OR1L8: variants seen among roughly 807,000 people sequenced by gnomAD.
The protein encoded by OR1L8 is olfactory receptor 1L8.
For missense variants in OR1L8, 330 were observed against 377.4 expected (o/e 0.87, Z 1.04); for synonymous variants, 148 against 147.0 (o/e 1.01, Z -0.05).
At chr9:122,556,468 T>C in the OR1L8 span, among the ~76,000 whole-genome samples, 1 of 152,098 alleles carries the variant, frequency 6.6e-6, no homozygotes, top group East Asian at 1.9e-4. Flanking sequence ...TGCCACACTA[T>C]CTTAATTACT....
chr9:122,565,864 C>T (rs1167939163), downstream of OR1L8, among the ~76,000 whole-genome samples: 1 of 152,082 alleles, frequency 6.6e-6, no homozygotes, highest in African/African-American at 2.4e-5. Flanking sequence ...CATGTTGACA[C>T]CCATGAGAAT....
chr9:122,553,569 G>C, the OR1L8 span: 10 of 1,613,954 alleles, frequency 6.2e-6, no homozygotes, highest in Middle Eastern at 1.6e-4. Context: ...CCTGCTGGCT[G>C]TGATGGCATA....
At position 122,567,728 on chromosome 9, in the gene OR1L8, C is replaced by T. The variant is rs751733116; in HGVS notation, c.750G>A (p.Thr250=). 2.5e-5 allele frequency: 41 copies of T among 1,613,792 alleles called. No individual in the cohort carries two copies. The highest frequency in any genetic ancestry group is 8.3e-5 in the Admixed American group (5 of 59,964). Residue 250 remains threonine (T), a synonymous_variant, in exon 5 of 5, where the codon ACG becomes ACA. Transcript: ENST00000641027. ...CACAGAAGATGCTTCCATAAAAGAG[C>T]GTCACCACGGTGAGGTAAAAACCAC... ...STCGFYLTVV[T]LFYGSIFCVY...
the OR1L8 span, chr9:122,553,626 A>G: frequency 1.1e-5 from 18 of 1,613,940 alleles, no homozygotes; most frequent in African/African-American, 2.7e-5. Flanking sequence ...CAGCACATCT[A>G]TGAGTCCCCA....
At position 122,567,552 on chromosome 9, in the gene OR1L8, G is replaced by A. The variant is rs1289473167; in HGVS notation, c.926C>T (p.Ser309Phe). The change falls in exon 5 of 5, where the codon TCC (serine) becomes TTC (phenylalanine). Residue 309 changes from serine (S) to phenylalanine (F), a missense_variant. Ser to Phe is a radical substitution (Grantham distance 155). Transcript: ENST00000641027. ...QGLRKLMSKR[S>F] is the part of the protein sequence containing the mutation. ...AGTTTTTCAAGAGGGTGCTTCCTAG[G>A]ATCTCTTGCTCATAAGCTTCCTCAG... 6.4e-7 allele frequency: 1 copy of A among 1,568,732 alleles called. No homozygotes were observed. Among genetic ancestry groups the A allele is most frequent in the African/African-American group, 1.4e-5 (1 of 72,998 alleles).
At chr9:122,575,776 T>C (rs1033843482) in intron 3 of OR1L8, among the ~76,000 whole-genome samples, 4 of 152,196 alleles carry the variant, frequency 2.6e-5, no homozygotes, top group Non-Finnish European at 5.9e-5. Context: ...TAAAATCTTA[T>C]TTAACAAAAA....
intron 1 of OR1L8, among the ~76,000 whole-genome samples, chr9:122,581,840 AG>A (rs1829742589): frequency 6.6e-6 from 1 of 152,076 alleles, no homozygotes; most frequent in African/African-American, 2.4e-5. Flanking sequence ...TGAACCCAAA[AG>A]GTGGAGGTTG....
At chr9:122,549,153 C>T in the OR1L8 span, among the ~76,000 whole-genome samples, 3 of 151,932 alleles carry the variant, frequency 2.0e-5, no homozygotes, top group Non-Finnish European at 2.9e-5. Flanking sequence ...GTCATGAGGG[C>T]GGATCCCTCA....
the OR1L8 span, chr9:122,554,282 G>A: frequency 2.8e-5 from 19 of 688,762 alleles, no homozygotes; most frequent in African/African-American, 3.8e-4. Context: ...CTCTGAGTTA[G>A]GGATGTAAAA....
the OR1L8 span, among the ~76,000 whole-genome samples, chr9:122,555,844 A>T: frequency 6.6e-6 from 1 of 152,206 alleles, no homozygotes; most frequent in African/African-American, 2.4e-5. Context: ...AGAGTGGTAC[A>T]TTTATTACAA....
At chr9:122,579,915 A>T (rs1471032825) in intron 1 of OR1L8, among the ~76,000 whole-genome samples, 1 of 152,152 alleles carries the variant, frequency 6.6e-6, no homozygotes, top group Non-Finnish European at 1.5e-5. Context: ...GCGCAATAAT[A>T]ATCTGACCCA....
At chr9:122,575,407 G>A (rs1207084248) in intron 3 of OR1L8, among the ~76,000 whole-genome samples, 1 of 151,948 alleles carries the variant, frequency 6.6e-6, no homozygotes, top group Non-Finnish European at 1.5e-5. Flanking sequence ...CTTTTTGTGT[G>A]CATTTTGACA....
intron 4 of OR1L8, among the ~76,000 whole-genome samples, chr9:122,569,712 G>A (rs945775216): frequency 2.0e-4 from 31 of 151,526 alleles, no homozygotes; most frequent in African/African-American, 7.3e-4. Context: ...AAGTTTTAGG[G>A]TACATGTGCA....
At chr9:122,553,115 T>C in the OR1L8 span, 1 of 1,293,966 alleles carries the variant, frequency 7.7e-7, no homozygotes, top group Non-Finnish European at 1.1e-6. Flanking sequence ...CCCAGCACAG[T>C]TCTGGCCACA....
chr9:122,553,390 C>G, the OR1L8 span: 1 of 1,614,164 alleles, frequency 6.2e-7, no homozygotes, highest in Non-Finnish European at 8.5e-7. Context: ...CACCTCCATA[C>G]TCCCATGTAC....
chr9:122,559,739 C>T, the OR1L8 span, among the ~76,000 whole-genome samples: 1 of 152,010 alleles, frequency 6.6e-6, no homozygotes, highest in African/African-American at 2.4e-5. Flanking sequence ...TTTTTGCTTC[C>T]AGTGATGTGG....
chr9:122,553,289 G>A, the OR1L8 span: 2 of 1,614,022 alleles, frequency 1.2e-6, no homozygotes, highest in Non-Finnish European at 1.7e-6. Flanking sequence ...GGCCAGAGGA[G>A]CAGCCTCTTC....
chr9:122,551,632 A>G, the OR1L8 span, among the ~76,000 whole-genome samples: 1 of 152,166 alleles, frequency 6.6e-6, no homozygotes, highest in African/African-American at 2.4e-5. Flanking sequence ...AAGAGGCTTC[A>G]GAATCACATT....
chr9:122,554,601 CTG>C, the OR1L8 span, among the ~76,000 whole-genome samples: 2 of 152,120 alleles, frequency 1.3e-5, no homozygotes, highest in Non-Finnish European at 2.9e-5. Context: ...ATTGTGAAAA[CTG>C]TGAATTAGGA....
Sources: allele counts gnomAD v4.1 joint callset (sites outside exome capture counted in the v4.1 genomes callset), GRCh38; gene constraint gnomAD v4.1.1; transcripts MANE v1.5; gene names NCBI Gene and HGNC (gene_info 2026-07-23, HGNC 2026-07-21).